The following HSP90AA1 variants were observed in gnomAD, a reference collection of about 807,000 sequenced individuals.
HSP90AA1 encodes the protein heat shock protein 90 alpha family class A member 1, also known as heat shock protein HSP 90-alpha.
HSP90AA1 carries 18 observed loss-of-function variants against 73.3 expected under a neutral mutation model. That is an observed-to-expected ratio of 0.25 (90% CI 0.17 to 0.36). The LOEUF is 0.36. HSP90AA1 is among the 10% of genes least tolerant of loss of function. HSP90AA1 has a pLI of 1.00. For missense variants in HSP90AA1, 704 were observed against 874.2 expected, an observed-to-expected ratio of 0.81 and a Z score of 2.45; for synonymous variants, 477 against 296.9, an observed-to-expected ratio of 1.61 and a Z score of -6.24.
At chr14:102,132,222 C>A (rs1329332511) in intron 1 of HSP90AA1, among the ~76,000 whole-genome samples, 1 of 152,172 alleles carries the variant, frequency 6.6e-6, no homozygotes, top group Non-Finnish European at 1.5e-5. Context: ...CAAAAATTAG[C>A]TGGGCGTGGT....
chr14:102,084,569 AATAAAAC>A lies in HSP90AA1; in HGVS notation c.982-12_982-6del. 1 of 1,614,202 alleles carries A rather than the reference AATAAAAC, an allele frequency of 6.2e-7. No individual in the cohort carries two copies. Among genetic ancestry groups the A allele is most frequent in the Non-Finnish European group, 8.5e-7 (1 of 1,180,024 alleles). The stretch of plus-strand genomic sequence containing the variant: ...CTGTCCTTCAACTGAAAAATGCTGT[AATAAAAC>A]AGATACACTAAGTACCAATGAACAA... On this transcript the variant is annotated splice_polypyrimidine_tract_variant and splice_region_variant and intron_variant, in intron 5 of 10. Coordinates refer to ENST00000216281, the MANE Select transcript of HSP90AA1 (RefSeq NM_005348.4).
upstream of HSP90AA1, among the ~76,000 whole-genome samples, chr14:102,088,335 C>T (rs896451674): frequency 6.6e-6 from 1 of 152,178 alleles, no homozygotes; most frequent in Non-Finnish European, 1.5e-5. Flanking sequence ...GGGCCGCCTC[C>T]TGCCTAGACT....
chr14:102,086,951 G>A, intron 1 of HSP90AA1, 35 bp downstream of exon 1: 1 of 976,160 alleles, frequency 1.0e-6, no homozygotes, highest in Non-Finnish European at 1.2e-6. Flanking sequence ...CCGGTCCCCA[G>A]TCCACCTCCA....
chr14:102,113,766 A>G (rs2049672569), intron 1 of HSP90AA1, among the ~76,000 whole-genome samples: 1 of 152,034 alleles, frequency 6.6e-6, no homozygotes, highest in African/African-American at 2.4e-5. Flanking sequence ...GCTGGAGTAC[A>G]GTGGCATGAT....
intron 6 of HSP90AA1, 29 bp downstream of exon 6, chr14:102,084,370 C>T (rs1555361811): frequency 6.3e-7 from 1 of 1,597,440 alleles, no homozygotes; most frequent in South Asian, 1.1e-5. Context: ...TAATCAGTGA[C>T]AGTGATTATT....
At chr14:102,092,928 A>G (rs2152616936) in intron 2 of HSP90AA1, among the ~76,000 whole-genome samples, 1 of 152,048 alleles carries the variant, frequency 6.6e-6, no homozygotes, top group South Asian at 2.1e-4. Context: ...GCTTTTTAAT[A>G]GAGACATGGT....
intron 1 of HSP90AA1, among the ~76,000 whole-genome samples, chr14:102,131,009 A>G (rs1389263899): frequency 1.3e-5 from 2 of 152,226 alleles, no homozygotes; most frequent in Non-Finnish European, 2.9e-5. Context: ...ATAAGCCACC[A>G]TGCCCAGCCT....
At chr14:102,090,625 A>G (rs2049344118), upstream of HSP90AA1, among the ~76,000 whole-genome samples, 1 of 151,794 alleles carries the variant, frequency 6.6e-6, no homozygotes, top group Admixed American at 6.6e-5. Context: ...AATTTTTTGT[A>G]TTCTTTAAGT....
chr14:102,081,666 AG>A lies in HSP90AA1; in HGVS notation c.*45del. On this transcript the variant is annotated 3_prime_UTR_variant, in exon 11 of 11. Transcript: ENST00000216281. ...AACATCCTTGAAAATATATTATCAG[AG>A]GAATTGTAGAGTACTGAACAGGTAA... is the stretch of plus-strand genomic sequence containing the variant. 1 of 838,024 alleles carries A rather than the reference AG, an allele frequency of 1.2e-6. No homozygotes were observed. Among genetic ancestry groups the A allele is most frequent in the South Asian group, 1.3e-5 (1 of 75,424 alleles). The allele number at this position is 838,024 out of a possible 1,614,324, so 51.9% of individuals were successfully genotyped here.
At chr14:102,129,133 A>ATTTT (rs71116884) in intron 1 of HSP90AA1, among the ~76,000 whole-genome samples, 2 of 94,394 alleles carry the variant, frequency 2.1e-5, no homozygotes, top group African/African-American at 3.7e-5. Context: ...TCTAGTTTTG[A>ATTTT]TTTTTTTTTT....
chr14:102,116,641 G>C (rs1778589336), intron 1 of HSP90AA1, among the ~76,000 whole-genome samples: 1 of 152,220 alleles, frequency 6.6e-6, no homozygotes, highest in African/African-American at 2.4e-5. Context: ...CCACTGCGGA[G>C]AGGGCATGGG....
chr14:102,085,426 G>C lies in HSP90AA1; in HGVS notation c.535C>G (p.Pro179Ala), dbSNP rs769483065. 1.2e-6 allele frequency: 2 copies of C among 1,608,522 alleles called. No homozygotes were observed. Among genetic ancestry groups the C allele is most frequent in the African/African-American group, 1.4e-5 (1 of 73,356 alleles). Reference sequence around the variant, plus strand: ...ATAACTTTTGTTCCACGACCCATAGGTTCACCTGCAAGAGAAGAAAGAAAA... The same window carrying C: ...ATAACTTTTGTTCCACGACCCATAGCTTCACCTGCAAGAGAAGAAAGAAAA... ...SFTVRTDTGE[P>A]MGRGTKVILH... Residue 179 changes from proline to alanine, a missense_variant, in exon 4 of 11, where the codon CCT (proline) becomes GCT (alanine). Physicochemically the swap from Pro to Ala is conservative, Grantham distance 27. Transcript: ENST00000216281.
chr14:102,097,467 G>A (rs1196223571), intron 2 of HSP90AA1, among the ~76,000 whole-genome samples: 1 of 152,248 alleles, frequency 6.6e-6, no homozygotes, highest in Admixed American at 6.5e-5. Flanking sequence ...GGTACAAAGT[G>A]GGGGTGGGTG....
chr14:102,106,651 C>G (rs1304776667), intron 1 of HSP90AA1, among the ~76,000 whole-genome samples: 1 of 150,598 alleles, frequency 6.6e-6, no homozygotes, highest in Admixed American at 6.6e-5. Flanking sequence ...TCAAGCGATT[C>G]TCCTCCCTCA....
intron 1 of HSP90AA1, among the ~76,000 whole-genome samples, chr14:102,126,816 C>T (rs1484118627): frequency 6.6e-6 from 1 of 152,248 alleles, no homozygotes; most frequent in Non-Finnish European, 1.5e-5. Flanking sequence ...GCGTGAGCCA[C>T]TGCGCCCGGC....
chr14:102,092,095 C>A (rs2049366518), intron 2 of HSP90AA1, among the ~76,000 whole-genome samples: 1 of 149,474 alleles, frequency 6.7e-6, no homozygotes, highest in Non-Finnish European at 1.5e-5. Context: ...TTGAGACAGT[C>A]CCGCTCTGTC....
intron 1 of HSP90AA1, among the ~76,000 whole-genome samples, chr14:102,109,340 A>G (rs1249028692): frequency 6.6e-6 from 1 of 152,186 alleles, no homozygotes; most frequent in African/African-American, 2.4e-5. Flanking sequence ...CCCAAATCTC[A>G]TCTTGAATTG....
intron 1 of HSP90AA1, among the ~76,000 whole-genome samples, chr14:102,118,599 T>C (rs1430296033): frequency 6.6e-6 from 1 of 152,138 alleles, no homozygotes; most frequent in East Asian, 1.9e-4. Flanking sequence ...TACCCAGCAA[T>C]CCTAATCCTA....
intron 2 of HSP90AA1, among the ~76,000 whole-genome samples, chr14:102,094,887 A>AGCCTT (rs2049404609): frequency 6.6e-6 from 1 of 152,092 alleles, no homozygotes; most frequent in Non-Finnish European, 1.5e-5. Context: ...ACCTGAGGAG[A>AGCCTT]GCCTGTCCCT....
Sources: gnomAD v4.1 joint callset for allele counts (sites outside exome capture counted in the v4.1 genomes callset) on GRCh38, gnomAD v4.1.1 for gene constraint, MANE v1.5 for transcripts, NCBI Gene and HGNC (gene_info 2026-07-23, HGNC 2026-07-21) for gene names.